The following CFAP70 variants were observed in gnomAD, a reference collection of about 807,000 sequenced individuals.
The protein encoded by CFAP70 is cilia and flagella associated protein 70, also known as cilia- and flagella-associated protein 70.
A neutral mutation model predicts 137.6 loss-of-function variants in CFAP70; 81 were observed. The ratio of observed to expected loss-of-function variants is 0.59; its 90% CI spans 0.49 to 0.71. The LOEUF (loss-of-function observed/expected upper bound fraction) is 0.71, where lower values mean the gene tolerates loss of function less well. Ranked by LOEUF, CFAP70 falls within the 30% of genes least tolerant of loss-of-function variation. CFAP70 has a pLI of 0.00. For synonymous variants in CFAP70, 382 were observed against 423.6 expected (o/e 0.90, Z 1.20); for missense variants, 976 against 1,226.7 (o/e 0.80, Z 3.05).
chr10:73,290,888 T>C (rs1473220031), intron 19 of CFAP70, among the ~76,000 whole-genome samples: 1 of 152,218 alleles, frequency 6.6e-6, no homozygotes, highest in Non-Finnish European at 1.5e-5. Flanking sequence ...AGGAAATATT[T>C]AGAAGTTCAG....
intron 1 of CFAP70, among the ~76,000 whole-genome samples, chr10:73,356,420 A>G (rs1230680568): frequency 6.6e-6 from 1 of 152,118 alleles, no homozygotes; most frequent in Non-Finnish European, 1.5e-5. Flanking sequence ...GCTGGTCTCG[A>G]CGGCTAGGCT....
At chr10:73,284,787 T>C (rs1216109821) in intron 19 of CFAP70, among the ~76,000 whole-genome samples, 4 of 67,678 alleles carry the variant, frequency 5.9e-5, no homozygotes, top group African/African-American at 2.5e-4. Context: ...TATATATATA[T>C]ATATATATAT....
chr10:73,310,628 C>G (rs978995717), intron 11 of CFAP70, among the ~76,000 whole-genome samples: 1 of 152,226 alleles, frequency 6.6e-6, no homozygotes, highest in Non-Finnish European at 1.5e-5. Flanking sequence ...TTCTTACATT[C>G]CCACTCACAG....
At chr10:73,349,512 C>T (rs1465591187) in intron 3 of CFAP70, among the ~76,000 whole-genome samples, 1 of 150,122 alleles carries the variant, frequency 6.7e-6, no homozygotes, top group Non-Finnish European at 1.5e-5. Context: ...CACTGCATTA[C>T]AGCCTGGGCG....
intron 24 of CFAP70, among the ~76,000 whole-genome samples, chr10:73,270,392 T>TTTTTC (rs113894398): frequency 0.099 from 14,914 of 150,368 alleles, 1,086 homozygotes; most frequent in East Asian, 0.29. Flanking sequence ...TTTCCTTTCT[T>TTTTTC]TTTTCTTTTC....
intron 5 of CFAP70, among the ~76,000 whole-genome samples, chr10:73,343,553 C>CA (rs1396239757): frequency 4.6e-5 from 7 of 151,978 alleles, no homozygotes; most frequent in Non-Finnish European, 7.4e-5. Context: ...TACTAAAATA[C>CA]AAAAAATTAG....
chr10:73,309,904 C>T (rs181249986), intron 12 of CFAP70, among the ~76,000 whole-genome samples: 36 of 152,182 alleles, frequency 2.4e-4, no homozygotes, highest in East Asian at 9.6e-4. Context: ...CAATCCCCCC[C>T]ACCTTGGCCT....
At chr10:73,325,301 C>T (rs2132240172) in intron 8 of CFAP70, among the ~76,000 whole-genome samples, 1 of 152,148 alleles carries the variant, frequency 6.6e-6, no homozygotes, top group East Asian at 1.9e-4. Flanking sequence ...GATTTTGTCA[C>T]CACCAGGCCT....
rs769919223 is a variant in CFAP70, at chr10:73,275,581, A to G, written c.2538T>C (p.Leu846=). 1 of 1,605,298 alleles carries G rather than the reference A, an allele frequency of 6.2e-7. No homozygotes were observed. The highest frequency in any genetic ancestry group is 1.3e-5 in the African/African-American group (1 of 74,500). The stretch of plus-strand genomic sequence containing the variant: ...CTTGAGGGCATAACAGCTCATGTGC[A>G]AGCACTCTGTGCACATACTGCAAGG... The change falls in exon 22 of 27, where the codon CTT becomes CTC. Residue 846 remains leucine (L), a synonymous_variant. Coordinates refer to ENST00000310715, the Ensembl canonical transcript of CFAP70. This position sits in a 1 kb window ranked among gnomAD's most constrained non-coding sequence, Gnocchi z 4.0.
intron 19 of CFAP70, among the ~76,000 whole-genome samples, chr10:73,283,922 T>C (rs2047451922): frequency 6.6e-6 from 1 of 152,246 alleles, no homozygotes; most frequent in South Asian, 2.1e-4. Context: ...AAAATTATTA[T>C]TTAAAGTCAG....
At chr10:73,323,221 G>A in intron 8 of CFAP70, 124 bp from the exon 10 acceptor site, 1 of 837,592 alleles carries the variant, frequency 1.2e-6, no homozygotes, top group Admixed American at 3.2e-5. Context: ...CCAGTTATGT[G>A]ACTTTGGGCC....
At chr10:73,265,886 T>G (rs905231469) in intron 25 of CFAP70, among the ~76,000 whole-genome samples, 4 of 151,752 alleles carry the variant, frequency 2.6e-5, no homozygotes, top group Non-Finnish European at 4.4e-5. Context: ...TTTTTTTTTT[T>G]GGTCTTTATT....
At chr10:73,308,321 A>G (rs776326047) in intron 12 of CFAP70, among the ~76,000 whole-genome samples, 1 of 152,088 alleles carries the variant, frequency 6.6e-6, no homozygotes, top group African/African-American at 2.4e-5. Flanking sequence ...AACAAGGATC[A>G]ATAAACTTTA....
intron 6 of CFAP70, among the ~76,000 whole-genome samples, chr10:73,337,295 A>G (rs2052760615): frequency 6.6e-6 from 1 of 151,692 alleles, no homozygotes; most frequent in East Asian, 1.9e-4. Context: ...AGCCTGGCCA[A>G]TATGGTGAAG....
intron 7 of CFAP70, among the ~76,000 whole-genome samples, chr10:73,333,478 A>C (rs1331649423): frequency 6.6e-6 from 1 of 151,990 alleles, no homozygotes; most frequent in African/African-American, 2.4e-5. Flanking sequence ...TCATTTTCAA[A>C]CTGCAAAAAA....
intron 25 of CFAP70, among the ~76,000 whole-genome samples, chr10:73,258,050 T>A (rs1022255570): frequency 6.6e-6 from 1 of 152,064 alleles, no homozygotes; most frequent in South Asian, 2.1e-4. Context: ...TGTATGTGTC[T>A]TCTTGTATTT....
At chr10:73,341,286 T>C (rs1170138357) in intron 6 of CFAP70, 113 bp downstream of exon 7, 6 of 911,984 alleles carry the variant, frequency 6.6e-6, no homozygotes, top group Non-Finnish European at 9.9e-6. Flanking sequence ...TATTTTGGCA[T>C]GTAAGTATTT....
Position 73,301,726 on chromosome 10 carries a change from A to G in CFAP70, c.1257-2061T>C, listed in dbSNP as rs1480448458. Among the ~76,000 whole-genome samples, 4 of 152,230 alleles carry G rather than the reference A, an allele frequency of 2.6e-5. No homozygotes were observed. In the South Asian group the frequency reaches 8.3e-4, roughly 32 times the overall value. On this transcript the variant is annotated intron_variant, in intron 12 of 26. Transcript: ENST00000310715. ...GGAATGGCTACACAATTCTGTGAGT[A>G]TACTAAAAGCCACTGAATTGTACAC...
At chr10:73,343,868 C>T (rs1374017604) in intron 5 of CFAP70, among the ~76,000 whole-genome samples, 1 of 151,844 alleles carries the variant, frequency 6.6e-6, no homozygotes, top group Non-Finnish European at 1.5e-5. Flanking sequence ...AAAGCAATGA[C>T]CCAAATTAAA....
Sources: allele counts gnomAD v4.1 joint callset (sites outside exome capture counted in the v4.1 genomes callset), GRCh38; gene constraint gnomAD v4.1.1; non-coding constraint Gnocchi (gnomAD v3.1); transcripts MANE v1.5; gene names NCBI Gene and HGNC (gene_info 2026-07-23, HGNC 2026-07-21).